Variants in AK7 observed in about 807,000 individuals in gnomAD.
The protein encoded by AK7 is ATP-AMP transphosphorylase 7.
In AK7, 78 loss-of-function variants were observed where a neutral mutation model predicts 96.6. The observed-to-expected ratio is 0.81, with a 90% confidence interval of 0.67 to 0.97. The LOEUF (loss-of-function observed/expected upper bound fraction) is 0.97. Ranked by LOEUF, AK7 falls within the 50% of genes least tolerant of loss-of-function variation. The probability of loss-of-function intolerance (pLI) is 0.00; values close to 1 mark genes in which losing one functional copy is unlikely to be tolerated. For missense variants in AK7, 855 were observed against 887.9 expected (o/e 0.96, Z 0.47); for synonymous variants, 302 against 317.2 (o/e 0.95, Z 0.51).
chr14:96,409,942 T>C (rs1890941983), intron 4 of AK7, among the ~76,000 whole-genome samples: 1 of 152,186 alleles, frequency 6.6e-6, no homozygotes, highest in African/African-American at 2.4e-5. Flanking sequence ...GTGTTCAAGG[T>C]CACTGAGTCA....
At chr14:96,444,759 C>G (rs10143377) in intron 7 of AK7, among the ~76,000 whole-genome samples, 10,610 of 151,836 alleles carry the variant, frequency 0.07, 1,290 homozygotes, top group African/African-American at 0.24. Flanking sequence ...GCTCTGTCAC[C>G]CAGGCTGGAG....
chr14:96,441,365 A>C (rs1352057446), intron 6 of AK7, among the ~76,000 whole-genome samples: 2 of 152,156 alleles, frequency 1.3e-5, no homozygotes, highest in Non-Finnish European at 1.5e-5. Flanking sequence ...GAGGCCAGGC[A>C]TGGTGGTTCA....
At chr14:96,473,506 ACCAT>A (rs1283408163) in intron 14 of AK7, among the ~76,000 whole-genome samples, 1 of 151,064 alleles carries the variant, frequency 6.6e-6, no homozygotes, top group East Asian at 1.9e-4. Flanking sequence ...GCAGGGCTAC[ACCAT>A]AGGCAGTGTG....
intron 4 of AK7, among the ~76,000 whole-genome samples, chr14:96,409,241 C>A (rs911921546): frequency 6.6e-6 from 1 of 152,108 alleles, no homozygotes; most frequent in Non-Finnish European, 1.5e-5. Context: ...CTTACTTAGA[C>A]CCATATTTTT....
intron 4 of AK7, among the ~76,000 whole-genome samples, chr14:96,409,277 T>C (rs779081735): frequency 3.3e-5 from 5 of 152,180 alleles, no homozygotes; most frequent in Non-Finnish European, 7.4e-5. Flanking sequence ...GTGCATACAT[T>C]AAAAAGAAAT....
intron 11 of AK7, among the ~76,000 whole-genome samples, chr14:96,457,227 A>AT (rs1272083352): frequency 6.6e-6 from 1 of 151,538 alleles, no homozygotes; most frequent in Non-Finnish European, 1.5e-5. Flanking sequence ...TGCCCGGCTA[A>AT]TTTTTGTATT....
At chr14:96,486,788 T>C (rs149519178) in intron 16 of AK7, 110 bp from the exon 17 acceptor site, 24 of 934,710 alleles carry the variant, frequency 2.6e-5, no homozygotes, top group Middle Eastern at 2.6e-4. Context: ...ATCTGTATCA[T>C]AGATGGTGAC....
intron 4 of AK7, among the ~76,000 whole-genome samples, chr14:96,414,761 T>TC (rs1405114193): frequency 2.1e-5 from 3 of 143,204 alleles, no homozygotes; most frequent in Non-Finnish European, 4.6e-5. Context: ...TTCCTTCTTT[T>TC]TTTTTTTTTT....
chr14:96,444,632 A>G (rs892407056), intron 7 of AK7, among the ~76,000 whole-genome samples: 1 of 152,216 alleles, frequency 6.6e-6, no homozygotes, highest in East Asian at 1.9e-4. Context: ...TTCAATAGGC[A>G]TGATAATAAA....
At chr14:96,459,170 T>C (rs1894117292) in intron 12 of AK7, among the ~76,000 whole-genome samples, 1 of 151,948 alleles carries the variant, frequency 6.6e-6, no homozygotes, top group Non-Finnish European at 1.5e-5. Flanking sequence ...AAAACCCATC[T>C]CTATTAAAAA....
intron 3 of AK7, chr14:96,405,149 A>G (rs564471885): frequency 5.5e-6 from 1 of 182,614 alleles, no homozygotes; most frequent in South Asian, 1.8e-4. Context: ...GTTCAAGACC[A>G]GCCTGGACAA....
chr14:96,448,651 A>C (rs1409756189), intron 8 of AK7, among the ~76,000 whole-genome samples: 1 of 105,206 alleles, frequency 9.5e-6, no homozygotes, highest in Admixed American at 8.8e-5. Flanking sequence ...AAAAAAAAAA[A>C]AAAAAAAAAA....
At chr14:96,439,471 T>C (rs1892834531) in intron 6 of AK7, among the ~76,000 whole-genome samples, 1 of 151,348 alleles carries the variant, frequency 6.6e-6, no homozygotes, top group African/African-American at 2.5e-5. Context: ...AAGACTATCC[T>C]GGCTAACACG....
At chr14:96,449,420 GTGTT>G (rs72383489) in intron 8 of AK7, among the ~76,000 whole-genome samples, 312 of 151,736 alleles carry the variant, frequency 2.1e-3, no homozygotes, top group African/African-American at 4.9e-3. Flanking sequence ...TCATTTGAGG[GTGTT>G]TGTTTGTTTG....
chr14:96,416,717 T>C (rs1891369380), intron 4 of AK7, among the ~76,000 whole-genome samples: 1 of 152,162 alleles, frequency 6.6e-6, no homozygotes, highest in Non-Finnish European at 1.5e-5. Context: ...TATTAAAGGT[T>C]TGGGTTCAAA....
intron 12 of AK7, 107 bp from the exon 13 acceptor site, chr14:96,471,371 C>A: frequency 2.2e-5 from 11 of 491,996 alleles, no homozygotes; most frequent in Non-Finnish European, 2.9e-5. Flanking sequence ...TAGGGATTTC[C>A]AATAGTACCT....
At chr14:96,445,552 C>T (rs542799938) in intron 7 of AK7, among the ~76,000 whole-genome samples, 5 of 152,076 alleles carry the variant, frequency 3.3e-5, no homozygotes, top group African/African-American at 1.2e-4. Flanking sequence ...CCCAGCTACC[C>T]GGGAGGTGGA....
rs764099443 is a variant in AK7 at position 96,437,916 on chromosome 14, G to A, written c.690+1G>A. 12 of 1,612,540 alleles carry A rather than the reference G, an allele frequency of 7.4e-6. No individual in the cohort carries two copies. The East Asian group carries it at 2.2e-4, about 30-fold the overall frequency. The stretch of plus-strand genomic sequence containing the variant: ...AGGCATGTTACACACATTTTTTAAG[G>A]TATGGCTTTCAATGATGACGTGGAA... On this transcript the variant is annotated splice_donor_variant, in intron 6 of 17. Transcript: ENST00000267584. LOFTEE classifies it high-confidence loss of function.
intron 10 of AK7, among the ~76,000 whole-genome samples, chr14:96,456,114 A>C (rs917872353): frequency 1.3e-5 from 2 of 151,640 alleles, no homozygotes; most frequent in African/African-American, 2.4e-5. Context: ...TGGTGCGCAC[A>C]TGTAGTCTCA....
Sources: allele counts gnomAD v4.1 joint callset (sites outside exome capture counted in the v4.1 genomes callset), GRCh38; gene constraint gnomAD v4.1.1; transcripts MANE v1.5; gene names NCBI Gene and HGNC (gene_info 2026-07-23, HGNC 2026-07-21).